Variants in TJP1 observed in about 807,000 individuals in gnomAD.
The protein encoded by TJP1 is tight junction protein ZO-1.
A neutral mutation model predicts 194.2 loss-of-function variants in TJP1; 43 were observed. The ratio of observed to expected loss-of-function variants is 0.22; its 90% CI spans 0.17 to 0.29. The LOEUF (loss-of-function observed/expected upper bound fraction) is 0.29. TJP1 is among the 10% of genes least tolerant of loss of function. TJP1 has a pLI of 1.00. For synonymous variants in TJP1, 801 were observed against 779.0 expected (o/e 1.03, Z -0.47); for missense variants, 1,971 against 2,185.7 (o/e 0.90, Z 1.96).
intron 13 of TJP1, 35 bp downstream of exon 13, chr15:29,733,059 G>T: frequency 6.3e-7 from 1 of 1,587,758 alleles, no homozygotes; most frequent in Non-Finnish European, 8.6e-7. Flanking sequence ...TCATTTACTT[G>T]ATTCACTCTA....
chr15:29,799,396 A>AT (rs2048627969), intron 2 of TJP1, among the ~76,000 whole-genome samples: 1 of 151,820 alleles, frequency 6.6e-6, no homozygotes, highest in Non-Finnish European at 1.5e-5. Flanking sequence ...AAAGTTGACT[A>AT]TATCTTATCA....
chr15:29,716,547 A>G lies in TJP1; in HGVS notation c.4202+64T>C. On this transcript the variant is annotated intron_variant, in intron 23 of 27. Coordinates refer to ENST00000614355, the MANE Select transcript of TJP1 (RefSeq NM_001330239.4). ...CACTTAAATTATTTTTCTTCAAAAT[A>G]TATTGAACTGCACGGGATTAATATG... The G allele has an allele frequency of 2.5e-6, 3 of 1,215,002 alleles. No individual in the cohort carries two copies. In the South Asian group the frequency reaches 4.1e-5, roughly 17 times the overall value. 75.3% of individuals were successfully genotyped at this position (1,215,002 alleles called of 1,614,324 possible). A position where few individuals can be genotyped will look rare whatever the true frequency, so the allele number is the denominator to read the frequency against.
chr15:29,819,295 A>G (rs2050162107), intron 1 of TJP1, among the ~76,000 whole-genome samples: 1 of 152,178 alleles, frequency 6.6e-6, no homozygotes, highest in African/African-American at 2.4e-5. Flanking sequence ...CCAATAGTCT[A>G]CAATATTATT....
chr15:29,815,776 A>G (rs957445921), intron 1 of TJP1, among the ~76,000 whole-genome samples: 9 of 152,356 alleles, frequency 5.9e-5, no homozygotes, highest in African/African-American at 2.2e-4. Context: ...TATCATATTT[A>G]TACACAGTTT....
At chr15:29,876,609 C>A (rs934956432) in intron 2 of TJP1, among the ~76,000 whole-genome samples, 1 of 152,100 alleles carries the variant, frequency 6.6e-6, no homozygotes, top group Non-Finnish European at 1.5e-5. Flanking sequence ...TGGCTGAAGA[C>A]AATTCTTCCA....
chr15:29,824,818 A>T (rs532387699), upstream of TJP1, among the ~76,000 whole-genome samples: 10 of 152,328 alleles, frequency 6.6e-5, no homozygotes, highest in Middle Eastern at 3.4e-3. Context: ...CAAGTTGCCC[A>T]ATGTGTAATT....
At chr15:29,961,334 CTTTTTTTT>C (rs5811594) in intron 1 of TJP1, among the ~76,000 whole-genome samples, 4 of 89,818 alleles carry the variant, frequency 4.5e-5, no homozygotes, top group African/African-American at 1.4e-4. Context: ...TTTCCTAATT[CTTTTTTTT>C]TTTTTTTTTT....
rs1435963469 is a variant in TJP1 at position 29,952,125 on chromosome 15, G to A, written c.306+4107C>T. Among the ~76,000 whole-genome samples, 10 of 152,078 alleles carry A rather than the reference G, an allele frequency of 6.6e-5. No individual in the cohort carries two copies. In the East Asian group the frequency reaches 1.9e-3, roughly 29 times the overall value. ...GTCACTTTTCTTTTTCATATTGATT[G>A]TTATATGTCTATCACCCCCAGGGGG... On this transcript the variant is annotated intron_variant, in intron 2 of 28. Transcript: ENST00000356107.
At chr15:29,881,965 A>T (rs566084303) in intron 2 of TJP1, among the ~76,000 whole-genome samples, 89 of 151,532 alleles carry the variant, frequency 5.9e-4, no homozygotes, top group Non-Finnish European at 1.1e-3. Flanking sequence ...AGATATATAT[A>T]TTTTTAGTTA....
chr15:29,774,077 G>C (rs1181991427), intron 2 of TJP1, among the ~76,000 whole-genome samples: 1 of 152,106 alleles, frequency 6.6e-6, no homozygotes, highest in Non-Finnish European at 1.5e-5. Flanking sequence ...TCCCTAGAAA[G>C]GATATGAAGT....
intron 8 of TJP1, among the ~76,000 whole-genome samples, chr15:29,756,910 T>A (rs1019668706): frequency 1.3e-5 from 2 of 152,180 alleles, no homozygotes; most frequent in Admixed American, 1.3e-4. Flanking sequence ...AATGGTTAAA[T>A]ACAAGCAGAT....
chr15:29,727,161 T>C (rs1422089520), intron 16 of TJP1, among the ~76,000 whole-genome samples, 170 bp from the exon 17 acceptor site: 2 of 152,138 alleles, frequency 1.3e-5, no homozygotes, highest in South Asian at 2.1e-4. Context: ...CTGGCCAGTA[T>C]GGAGAAACTC....
intron 2 of TJP1, among the ~76,000 whole-genome samples, chr15:29,944,251 C>G (rs1286810971): frequency 6.6e-6 from 1 of 151,812 alleles, no homozygotes; most frequent in East Asian, 2.0e-4. Flanking sequence ...CGCCACCACA[C>G]CCGGCTAATT....
intron 2 of TJP1, among the ~76,000 whole-genome samples, chr15:29,941,983 C>G (rs2055096932): frequency 6.6e-6 from 1 of 152,146 alleles, no homozygotes; most frequent in South Asian, 2.1e-4. Flanking sequence ...GCTGCGGTCT[C>G]CATGCCCGCC....
intron 2 of TJP1, among the ~76,000 whole-genome samples, chr15:29,930,400 C>A (rs187954457): frequency 1.3e-5 from 2 of 152,268 alleles, no homozygotes; most frequent in East Asian, 3.9e-4. Context: ...ATCCAAGTAA[C>A]ACAAAACAAT....
intron 2 of TJP1, among the ~76,000 whole-genome samples, chr15:29,898,205 G>A (rs1261174418): frequency 2.0e-5 from 3 of 152,172 alleles, no homozygotes; most frequent in African/African-American, 7.2e-5. Flanking sequence ...TGCTGTTCTT[G>A]TGATAGTGAA....
chr15:29,909,761 A>C (rs1022496581), intron 2 of TJP1, among the ~76,000 whole-genome samples: 6 of 151,786 alleles, frequency 4.0e-5, no homozygotes, highest in African/African-American at 1.5e-4. Context: ...CATCCTACCC[A>C]CCAAGCAGAA....
intron 2 of TJP1, among the ~76,000 whole-genome samples, chr15:29,895,216 T>C (rs1358253061): frequency 2.0e-5 from 3 of 152,338 alleles, no homozygotes; most frequent in Non-Finnish European, 1.5e-5. Flanking sequence ...TTCCACAGTA[T>C]GGACAGGTTT....
chr15:29,819,471 CAAT>C (rs1221403478), intron 1 of TJP1, among the ~76,000 whole-genome samples: 12 of 152,140 alleles, frequency 7.9e-5, no homozygotes, highest in African/African-American at 2.9e-4. Flanking sequence ...ACCTGACATG[CAAT>C]AATACTGATG....
Sources: gnomAD v4.1 joint callset for allele counts (sites outside exome capture counted in the v4.1 genomes callset) on GRCh38, gnomAD v4.1.1 for gene constraint, MANE v1.5 for transcripts, NCBI Gene and HGNC (gene_info 2026-07-23, HGNC 2026-07-21) for gene names.